MAST4: variants seen among roughly 807,000 people sequenced by gnomAD.
MAST4 encodes the protein microtubule-associated serine/threonine-protein kinase 4.
MAST4 carries 89 observed loss-of-function variants against 162.7 expected under a neutral mutation model. That is an observed-to-expected ratio of 0.55 (90% CI 0.46 to 0.65). The LOEUF (loss-of-function observed/expected upper bound fraction) is 0.65, where lower values mean the gene tolerates loss of function less well. Ranked by LOEUF, MAST4 falls within the 30% of genes least tolerant of loss-of-function variation. The probability of loss-of-function intolerance (pLI) is 0.00; values close to 1 mark genes in which losing one functional copy is unlikely to be tolerated. For synonymous variants in MAST4, 1,479 were observed against 1,361.1 expected, an observed-to-expected ratio of 1.09 and a Z score of -1.91; for missense variants, 3,153 against 3,374.0, an observed-to-expected ratio of 0.93 and a Z score of 1.62.
At chr5:67,125,860 C>T (rs1768163868) in intron 14 of MAST4, among the ~76,000 whole-genome samples, 1 of 152,188 alleles carries the variant, frequency 6.6e-6, no homozygotes, top group African/African-American at 2.4e-5. Context: ...CTAATTTACA[C>T]TCCCACCAAC....
chr5:66,658,828 C>T (rs1746716224), intron 1 of MAST4, among the ~76,000 whole-genome samples: 1 of 151,946 alleles, frequency 6.6e-6, no homozygotes. Context: ...TCCAGACTAG[C>T]CTGAGCAACA....
intron 1 of MAST4, among the ~76,000 whole-genome samples, chr5:66,608,808 G>A (rs956049483): frequency 2.1e-5 from 3 of 146,124 alleles, no homozygotes; most frequent in African/African-American, 5.5e-5. Flanking sequence ...AGGGGAAAGC[G>A]GGGGGCGGGG....
intron 4 of MAST4, among the ~76,000 whole-genome samples, chr5:66,905,779 A>G (rs1323923248): frequency 6.6e-6 from 1 of 152,220 alleles, no homozygotes; most frequent in African/African-American, 2.4e-5. Context: ...GGTGGATTCA[A>G]AGATTTTCTG....
At chr5:66,877,077 G>A (rs1032674746) in intron 3 of MAST4, among the ~76,000 whole-genome samples, 3 of 152,188 alleles carry the variant, frequency 2.0e-5, no homozygotes, top group East Asian at 1.9e-4. Flanking sequence ...GGCAGGAGGG[G>A]AGGGCCTAGG....
intron 9 of MAST4, among the ~76,000 whole-genome samples, chr5:67,103,824 T>C (rs1765295625): frequency 1.3e-5 from 2 of 152,188 alleles, no homozygotes; most frequent in Non-Finnish European, 2.9e-5. Context: ...TGTTTGATAT[T>C]TTGGACAGTC....
At chr5:66,753,197 C>G (rs568783954) in intron 1 of MAST4, among the ~76,000 whole-genome samples, 89 of 152,166 alleles carry the variant, frequency 5.8e-4, no homozygotes, top group African/African-American at 2.0e-3. Context: ...AAAGAGAAAG[C>G]AGGAAAGATC....
intron 2 of MAST4, among the ~76,000 whole-genome samples, chr5:66,774,267 G>C (rs188061424): frequency 4.1e-4 from 62 of 152,214 alleles, no homozygotes; most frequent in Non-Finnish European, 7.3e-4. Context: ...CACTGTTTCT[G>C]TCTTGGTCTT....
At chr5:67,140,109 G>T (rs1770178409) in intron 19 of MAST4, among the ~76,000 whole-genome samples, 1 of 152,204 alleles carries the variant, frequency 6.6e-6, no homozygotes, top group Non-Finnish European at 1.5e-5. Context: ...AACCCAAAAT[G>T]TGAGGGCTGG....
intron 3 of MAST4, among the ~76,000 whole-genome samples, chr5:66,899,668 C>A (rs990995899): frequency 2.0e-5 from 3 of 152,040 alleles, no homozygotes; most frequent in South Asian, 4.1e-4. Flanking sequence ...GTTGTAGGGC[C>A]GTGTAACTCA....
intron 2 of MAST4, among the ~76,000 whole-genome samples, chr5:66,782,438 T>A (rs1310652757): frequency 1.3e-5 from 2 of 152,254 alleles, no homozygotes; most frequent in East Asian, 3.8e-4. Context: ...ACTCTAACTC[T>A]GTTAACTAGA....
chr5:66,792,875 A>G (rs907481710), intron 3 of MAST4, among the ~76,000 whole-genome samples: 6 of 152,320 alleles, frequency 3.9e-5, no homozygotes, highest in African/African-American at 1.4e-4. Context: ...GTGTTCAAGT[A>G]TGGGGGGGAT....
chr5:66,683,620 T>A (rs892998563), intron 1 of MAST4, among the ~76,000 whole-genome samples: 1 of 152,190 alleles, frequency 6.6e-6, no homozygotes, highest in African/African-American at 2.4e-5. Flanking sequence ...CTGGGGCAGA[T>A]GTCCCTGAGC....
At chr5:66,898,679 T>G (rs986999076) in intron 3 of MAST4, among the ~76,000 whole-genome samples, 1 of 152,210 alleles carries the variant, frequency 6.6e-6, no homozygotes, top group South Asian at 2.1e-4. Flanking sequence ...GTTTTGCTAT[T>G]GGGTGAAAGA....
rs1411337653 is a variant in MAST4, at chr5:67,165,671, G to A, written c.6492G>A (p.Gly2164=). 6 of 1,595,200 alleles carry A rather than the reference G, an allele frequency of 3.8e-6. No homozygotes were observed. The Admixed American group carries it at 5.3e-5, about 14-fold the overall frequency. Residue 2164 remains glycine, a synonymous_variant, in exon 29 of 29, where the codon GGG becomes GGA. Transcript: ENST00000403625. ...SPSHASGREP[G]AKPSTAEPSS... ...GCCACGCTTCTGGCAGAGAGCCGGG[G>A]GCCAAGCCCAGCACTGCAGAGCCCA... is the stretch of plus-strand genomic sequence containing the variant.
chr5:66,930,828 T>C (rs1742114760), intron 4 of MAST4: 2 of 469,556 alleles, frequency 4.3e-6, no homozygotes, highest in Non-Finnish European at 8.8e-6. Flanking sequence ...TACACAGTGC[T>C]GGACCTTTGA....
chr5:66,788,556 G>C, intron 2 of MAST4, 114 bp from the exon 3 acceptor site: 2 of 1,287,258 alleles, frequency 1.6e-6, no homozygotes, highest in Non-Finnish European at 2.2e-6. Flanking sequence ...GGGTATGGCA[G>C]AAGTAATACA....
At chr5:66,827,870 G>A (rs1157840998) in intron 3 of MAST4, among the ~76,000 whole-genome samples, 3 of 152,180 alleles carry the variant, frequency 2.0e-5, no homozygotes, top group Non-Finnish European at 2.9e-5. Flanking sequence ...TGAATTGGTA[G>A]TGTCGTATGT....
intron 1 of MAST4, among the ~76,000 whole-genome samples, chr5:66,732,303 C>CT (rs1751902750): frequency 6.6e-6 from 1 of 152,124 alleles, no homozygotes; most frequent in Admixed American, 6.5e-5. Context: ...TTCTCCATCT[C>CT]TCCCCCAAGC....
intron 3 of MAST4, among the ~76,000 whole-genome samples, chr5:66,892,631 G>C (rs770970788): frequency 1.3e-5 from 2 of 151,986 alleles, no homozygotes; most frequent in Non-Finnish European, 2.9e-5. Flanking sequence ...TTTCTTCCTC[G>C]TTAGGGGAAA....
Sources: gnomAD v4.1 joint callset for allele counts (sites outside exome capture counted in the v4.1 genomes callset) on GRCh38, gnomAD v4.1.1 for gene constraint, MANE v1.5 for transcripts, NCBI Gene and HGNC (gene_info 2026-07-23, HGNC 2026-07-21) for gene names.